The following CDH4 variants were observed in gnomAD, a reference collection of about 807,000 sequenced individuals.
CDH4 encodes cadherin 4, also known as cadherin-4.
A neutral mutation model predicts 86.0 loss-of-function variants in CDH4; 33 were observed. That is an observed-to-expected ratio of 0.38 (90% CI 0.29 to 0.51). CDH4 has a LOEUF of 0.51. Among genes scored for constraint, CDH4 ranks in the 20% least tolerant of loss-of-function variants. The pLI is 0.86. For synonymous variants in CDH4, 555 were observed against 549.4 expected, an observed-to-expected ratio of 1.01 and a Z score of -0.14; for missense variants, 1,114 against 1,307.4, an observed-to-expected ratio of 0.85 and a Z score of 2.28.
intron 2 of CDH4, among the ~76,000 whole-genome samples, chr20:61,629,234 G>C (rs764675721): frequency 2.0e-4 from 30 of 152,130 alleles, no homozygotes; most frequent in Non-Finnish European, 3.7e-4. Flanking sequence ...AGGCCAGGGA[G>C]CCCCCTGTGG....
At chr20:61,743,500 T>C (rs2088369084) in intron 2 of CDH4, 63 bp from the exon 3 acceptor site, 2 of 1,309,386 alleles carry the variant, frequency 1.5e-6, no homozygotes, top group South Asian at 1.3e-5. Context: ...GCGTGGTTGC[T>C]GCCATTGTTA....
intron 2 of CDH4, among the ~76,000 whole-genome samples, chr20:61,405,923 A>C (rs923637640): frequency 4.6e-5 from 7 of 152,118 alleles, no homozygotes; most frequent in African/African-American, 1.4e-4. Flanking sequence ...CTCATGATCC[A>C]TCCGCCTCGG....
intron 2 of CDH4, among the ~76,000 whole-genome samples, chr20:61,494,327 G>A (rs2085644650): frequency 6.6e-6 from 1 of 152,178 alleles, no homozygotes; most frequent in Non-Finnish European, 1.5e-5. Flanking sequence ...CTATCAACTT[G>A]AATAGACTTA....
chr20:61,680,631 C>T (rs2087501486), intron 2 of CDH4, among the ~76,000 whole-genome samples: 1 of 152,204 alleles, frequency 6.6e-6, no homozygotes, highest in South Asian at 2.1e-4. Flanking sequence ...CCCTGGTGTC[C>T]TTTCTAAAGA....
At chr20:61,695,672 G>A (rs999521762) in intron 2 of CDH4, among the ~76,000 whole-genome samples, 1 of 152,194 alleles carries the variant, frequency 6.6e-6, no homozygotes, top group Non-Finnish European at 1.5e-5. Context: ...CCACAGGGGA[G>A]GTCAAAAATG....
At chr20:61,637,557 C>G (rs567750949) in intron 2 of CDH4, among the ~76,000 whole-genome samples, 34 of 152,362 alleles carry the variant, frequency 2.2e-4, no homozygotes, top group Non-Finnish European at 4.1e-4. Flanking sequence ...CCTATGTCAG[C>G]TTTTCTGTGA....
intron 2 of CDH4, among the ~76,000 whole-genome samples, chr20:61,598,425 A>G (rs1225910269): frequency 6.7e-6 from 1 of 148,338 alleles, no homozygotes; most frequent in Non-Finnish European, 1.5e-5. Context: ...TCAGCAGAGC[A>G]TGCTCCTCCC....
At chr20:61,555,532 C>T (rs2086171109) in intron 2 of CDH4, among the ~76,000 whole-genome samples, 1 of 152,180 alleles carries the variant, frequency 6.6e-6, no homozygotes, top group African/African-American at 2.4e-5. Flanking sequence ...ACGATCATGC[C>T]CCACACCTGG....
intron 2 of CDH4, among the ~76,000 whole-genome samples, chr20:61,387,025 A>G (rs1408674323): frequency 6.6e-6 from 1 of 152,262 alleles, no homozygotes; most frequent in East Asian, 1.9e-4. Context: ...AGTTTACATT[A>G]CTGGGTTGGA....
At chr20:61,817,430 C>G (rs539604283) in intron 4 of CDH4, among the ~76,000 whole-genome samples, 4 of 152,230 alleles carry the variant, frequency 2.6e-5, no homozygotes, top group African/African-American at 7.2e-5. Flanking sequence ...TCCCCACCCC[C>G]CAAATGGATC....
intron 2 of CDH4, among the ~76,000 whole-genome samples, chr20:61,672,121 G>A (rs2087396946): frequency 6.6e-6 from 1 of 151,544 alleles, no homozygotes; most frequent in Non-Finnish European, 1.5e-5. Context: ...GTATGGGCAG[G>A]TGAAAGGATG....
intron 2 of CDH4, among the ~76,000 whole-genome samples, chr20:61,539,023 G>A (rs2086019354): frequency 6.6e-6 from 1 of 152,164 alleles, no homozygotes; most frequent in African/African-American, 2.4e-5. Flanking sequence ...AGGCAGGGGA[G>A]GAGGACTAAA....
intron 2 of CDH4, among the ~76,000 whole-genome samples, chr20:61,633,636 A>G (rs139983345): frequency 5.4e-4 from 82 of 152,308 alleles, no homozygotes; most frequent in African/African-American, 1.8e-3. Context: ...GGTAAAAAGC[A>G]TGGTTTCTGG....
chr20:61,462,243 T>G (rs921137690), intron 2 of CDH4, among the ~76,000 whole-genome samples: 3 of 152,214 alleles, frequency 2.0e-5, no homozygotes, highest in Admixed American at 2.0e-4. Flanking sequence ...TCTGCCTTTA[T>G]TTCATTGGAG....
At chr20:61,916,305 G>A (rs1414410891) in intron 9 of CDH4, among the ~76,000 whole-genome samples, 2 of 152,126 alleles carry the variant, frequency 1.3e-5, no homozygotes, top group East Asian at 1.9e-4. Context: ...AGATTCCCAC[G>A]CTAGCTCTTT....
chr20:61,759,048 G>T lies in CDH4; in HGVS notation c.397-13955G>T, dbSNP rs1466380753. Among the ~76,000 whole-genome samples, 3 of 152,298 alleles carry T rather than the reference G, an allele frequency of 2.0e-5. No homozygotes were observed. In the East Asian group the frequency reaches 5.8e-4, roughly 29 times the overall value. ...GTGCACATGTGTGCGTTCGCACATG[G>T]GATGTGTGTGCACGCATGTGCATAT... On this transcript the variant is annotated intron_variant, in intron 3 of 15. Transcript: ENST00000614565.
chr20:61,780,062 C>T (rs2145996820), intron 4 of CDH4, among the ~76,000 whole-genome samples: 1 of 152,342 alleles, frequency 6.6e-6, no homozygotes, highest in Non-Finnish European at 1.5e-5. Context: ...TTCCAAAGCA[C>T]GGATGTGGCT....
At chr20:61,647,788 T>C (rs1405326049) in intron 2 of CDH4, among the ~76,000 whole-genome samples, 1 of 152,138 alleles carries the variant, frequency 6.6e-6, no homozygotes, top group Non-Finnish European at 1.5e-5. Flanking sequence ...CTATTGCCTC[T>C]GAATGGGTGT....
intron 14 of CDH4, among the ~76,000 whole-genome samples, chr20:61,933,353 C>T (rs1233373775): frequency 6.6e-6 from 1 of 152,230 alleles, no homozygotes; most frequent in African/African-American, 2.4e-5. Context: ...CTTCTTCCCT[C>T]CCATCACCAG....
Sources: gnomAD v4.1 joint callset for allele counts (sites outside exome capture counted in the v4.1 genomes callset) on GRCh38, gnomAD v4.1.1 for gene constraint, MANE v1.5 for transcripts, NCBI Gene and HGNC (gene_info 2026-07-23, HGNC 2026-07-21) for gene names.